HGF: variants seen among roughly 807,000 people sequenced by gnomAD.
HGF encodes the protein fibroblast-derived tumor cytotoxic factor.
HGF carries 39 observed loss-of-function variants against 111.6 expected under a neutral mutation model. The ratio of observed to expected loss-of-function variants is 0.35; its 90% CI spans 0.27 to 0.46. HGF has a LOEUF of 0.46. HGF is among the 20% of genes least tolerant of loss of function. The probability of loss-of-function intolerance (pLI) is 1.00; values close to 1 mark genes in which losing one functional copy is unlikely to be tolerated. For synonymous variants in HGF, 285 were observed against 294.8 expected, an observed-to-expected ratio of 0.97 and a Z score of 0.34; for missense variants, 735 against 910.5, an observed-to-expected ratio of 0.81 and a Z score of 2.48.
chr7:81,742,779 C>T, intron 7 of HGF: 1 of 1,533,790 alleles, frequency 6.5e-7, no homozygotes, highest in Middle Eastern at 2.1e-4. Context: ...TGCTAAAAGA[C>T]AGATCGAAAC....
At chr7:81,719,270 C>T (rs1365064637) in intron 10 of HGF, among the ~76,000 whole-genome samples, 2 of 152,180 alleles carry the variant, frequency 1.3e-5, no homozygotes, top group African/African-American at 4.8e-5. Flanking sequence ...CCACTTACGT[C>T]TGAGTAGGCA....
At chr7:81,761,397 T>C (rs1472945469) in intron 2 of HGF, among the ~76,000 whole-genome samples, 3 of 152,226 alleles carry the variant, frequency 2.0e-5, no homozygotes, top group African/African-American at 7.2e-5. Flanking sequence ...ACCATGCTCT[T>C]CCTCTCAGGC....
At chr7:81,720,621 TA>T in intron 10 of HGF, 123 bp downstream of exon 10, 1 of 683,458 alleles carries the variant, frequency 1.5e-6, no homozygotes, top group East Asian at 2.8e-5. Flanking sequence ...AAAACCAATC[TA>T]ATGCTTTTAT....
chr7:81,717,166 A>G, intron 11 of HGF, 66 bp downstream of exon 11: 2 of 1,519,398 alleles, frequency 1.3e-6, no homozygotes, highest in Non-Finnish European at 1.8e-6. Context: ...TATTATTTAC[A>G]ACTTTTAGAT....
chr7:81,755,522 T>A (rs1346934757), intron 4 of HGF: 1 of 152,610 alleles, frequency 6.6e-6, no homozygotes, highest in Non-Finnish European at 1.5e-5. Flanking sequence ...GAGATCTATT[T>A]CACAATTACT....
intron 3 of HGF, among the ~76,000 whole-genome samples, chr7:81,758,285 T>C (rs1788882436): frequency 6.6e-6 from 1 of 152,040 alleles, no homozygotes; most frequent in African/African-American, 2.4e-5. Flanking sequence ...TAATCATCAC[T>C]ATAATTTAGT....
At chr7:81,735,446 C>T (rs555383115) in intron 7 of HGF, among the ~76,000 whole-genome samples, 54 of 152,082 alleles carry the variant, frequency 3.6e-4, no homozygotes, top group Non-Finnish European at 6.2e-4. Flanking sequence ...GATTTTATTT[C>T]TGTGAATCTC....
chr7:81,715,271 G>C (rs926673502), intron 11 of HGF, among the ~76,000 whole-genome samples: 1 of 151,972 alleles, frequency 6.6e-6, no homozygotes, highest in African/African-American at 2.4e-5. Flanking sequence ...TATTCTATGA[G>C]CCTCCATTAG....
chr7:81,719,647 T>C (rs1314880053), intron 10 of HGF, among the ~76,000 whole-genome samples: 3 of 152,224 alleles, frequency 2.0e-5, no homozygotes, highest in Non-Finnish European at 4.4e-5. Context: ...CTGTTTATTT[T>C]TACCTCTTTA....
At chr7:81,761,066 G>C (rs1189154599) in intron 2 of HGF, among the ~76,000 whole-genome samples, 3 of 152,108 alleles carry the variant, frequency 2.0e-5, no homozygotes, top group Admixed American at 2.0e-4. Flanking sequence ...AATCAGCAAT[G>C]AGGTGTCCTC....
chr7:81,764,186 CATACTCTA>C (rs1318948213), intron 1 of HGF, among the ~76,000 whole-genome samples: 3 of 152,060 alleles, frequency 2.0e-5, no homozygotes, highest in African/African-American at 7.2e-5. Flanking sequence ...AAAATGCCAT[CATACTCTA>C]AGTTTGTCAG....
rs1471790055 is a variant in HGF, at chr7:81,729,634, A to G, written c.1011T>C (p.His337=). The change falls in exon 8 of 18, where the codon CAT becomes CAC. Residue 337 remains histidine (H), a synonymous_variant. Transcript: ENST00000222390. The part of the protein sequence containing the change: ...QRWDSQYPHE[H]DMTPENFKCK... ...ACTTGAAATTTTCAGGAGTCATGTC[A>G]TGCTCGTGAGGATACTGAGAATCCC... 1.2e-6 allele frequency: 2 copies of G among 1,613,934 alleles called. No individual in the cohort carries two copies.
intron 8 of HGF, 56 bp downstream of exon 8, chr7:81,729,549 T>C: frequency 7.5e-7 from 1 of 1,329,972 alleles, no homozygotes; most frequent in South Asian, 1.2e-5. Flanking sequence ...GTAACCACTC[T>C]ACCTCATTTT....
intron 7 of HGF, among the ~76,000 whole-genome samples, chr7:81,741,583 CTG>C (rs78641495): frequency 0.021 from 3,004 of 140,188 alleles, 69 homozygotes; most frequent in African/African-American, 0.062. Flanking sequence ...GTGTGTGTGT[CTG>C]TGTGTGTGTG....
rs1787657068 is a variant in HGF, at chr7:81,731,545, A to G, written c.866-1766T>C. Reference sequence around the variant, plus strand: ...GATGCTGATTATGCAAGTCTTTTATAATTTCAATACTATCCAAAGGTCTTT... The same window carrying G: ...GATGCTGATTATGCAAGTCTTTTATGATTTCAATACTATCCAAAGGTCTTT... On this transcript the variant is annotated intron_variant, in intron 7 of 17. Transcript: ENST00000222390. Among the ~76,000 whole-genome samples the G allele has an allele frequency of 2.0e-5, 3 of 152,308 alleles. No homozygotes were observed. In the South Asian group the frequency reaches 6.2e-4, roughly 32 times the overall value.
intron 1 of HGF, among the ~76,000 whole-genome samples, chr7:81,766,407 A>G (rs560551665): frequency 1.3e-5 from 2 of 152,206 alleles, no homozygotes; most frequent in Non-Finnish European, 2.9e-5. Flanking sequence ...AATGGTTGAG[A>G]CTGGAGATTG....
chr7:81,746,275 G>A (rs1312953117), intron 5 of HGF, among the ~76,000 whole-genome samples: 1 of 152,086 alleles, frequency 6.6e-6, no homozygotes, highest in Non-Finnish European at 1.5e-5. Flanking sequence ...TAGCTAAGAG[G>A]CCAACTCGGC....
At chr7:81,750,592 C>T (rs1040866707) in intron 5 of HGF, among the ~76,000 whole-genome samples, 3 of 152,116 alleles carry the variant, frequency 2.0e-5, no homozygotes, top group Admixed American at 6.6e-5. Context: ...CCTAGCAGTC[C>T]AGTCCTATGT....
intron 7 of HGF, among the ~76,000 whole-genome samples, chr7:81,739,207 A>G (rs1024081445): frequency 6.6e-6 from 1 of 151,966 alleles, no homozygotes; most frequent in Non-Finnish European, 1.5e-5. Context: ...TATACTGTAC[A>G]TTCCCCCTTT....
Sources: gnomAD v4.1 joint callset for allele counts (sites outside exome capture counted in the v4.1 genomes callset) on GRCh38, gnomAD v4.1.1 for gene constraint, MANE v1.5 for transcripts, NCBI Gene and HGNC (gene_info 2026-07-23, HGNC 2026-07-21) for gene names.